RORA: variants seen among roughly 807,000 people sequenced by gnomAD.
The protein encoded by RORA is nuclear receptor ROR-alpha.
A neutral mutation model predicts 69.5 loss-of-function variants in RORA; 7 were observed. That is an observed-to-expected ratio of 0.10 (90% confidence interval 0.06 to 0.19). The LOEUF is 0.19. Ranked by LOEUF, RORA falls within the 10% of genes least tolerant of loss-of-function variation. The pLI is 1.00. For missense variants in RORA, 457 were observed against 663.0 expected (o/e 0.69, Z 3.41); for synonymous variants, 261 against 240.8 (o/e 1.08, Z -0.78).
At chr15:60,901,193 T>C (rs1263271102) in intron 1 of RORA, among the ~76,000 whole-genome samples, 1 of 152,066 alleles carries the variant, frequency 6.6e-6, no homozygotes, top group African/African-American at 2.4e-5. Context: ...TTTTTTGAAA[T>C]GGAATCTCAC....
Position 60,537,488 on chromosome 15 carries a change from G to T in RORA, c.197-5637C>A, listed in dbSNP as rs1391840336. On this transcript the variant is annotated intron_variant, in intron 2 of 10. Coordinates refer to ENST00000335670, the MANE Select transcript of RORA (RefSeq NM_134261.3). The surrounding 1 kb of genome is among the most constrained non-coding windows in gnomAD (Gnocchi z 4.9). The stretch of plus-strand genomic sequence containing the variant: ...GAGTGGACAGTTCAGGGAGCAACAT[G>T]CTTTCTCTCCACTCTGCCATGGGAG... 6.6e-6 allele frequency among the ~76,000 whole-genome samples: 1 copy of T among 152,168 alleles called. No homozygotes were observed. Among genetic ancestry groups the T allele is most frequent in the African/African-American group, 2.4e-5 (1 of 41,424 alleles).
At chr15:61,023,187 C>CAAAA (rs35185635) in intron 1 of RORA, among the ~76,000 whole-genome samples, 154 of 75,482 alleles carry the variant, frequency 2.0e-3, no homozygotes, top group African/African-American at 3.8e-3. Context: ...GACTCTGCCT[C>CAAAA]AAAAAAAAAA....
chr15:60,732,576 A>G (rs1380813017), intron 1 of RORA, among the ~76,000 whole-genome samples: 3 of 152,192 alleles, frequency 2.0e-5, no homozygotes, highest in African/African-American at 7.2e-5. Context: ...GCTTAGTTCA[A>G]CTGTGTCAGA....
At chr15:60,793,041 A>G (rs1567193210) in intron 1 of RORA, among the ~76,000 whole-genome samples, 1 of 143,516 alleles carries the variant, frequency 7.0e-6, no homozygotes, top group Non-Finnish European at 1.5e-5. Context: ...AGAGAGAGAG[A>G]AAAAAAAAAA....
intron 1 of RORA, among the ~76,000 whole-genome samples, chr15:61,130,849 A>T (rs1055517689): frequency 9.9e-5 from 15 of 152,232 alleles, no homozygotes; most frequent in Non-Finnish European, 1.0e-4. Flanking sequence ...AATCACATTT[A>T]AAAAACATAG....
intron 1 of RORA, among the ~76,000 whole-genome samples, chr15:61,179,577 A>G (rs2079663038): frequency 6.6e-6 from 1 of 152,238 alleles, no homozygotes; most frequent in African/African-American, 2.4e-5. Context: ...CACATAAACA[A>G]AAAGCTCTTT....
chr15:60,633,513 C>T (rs759171948), intron 2 of RORA, among the ~76,000 whole-genome samples: 4 of 152,168 alleles, frequency 2.6e-5, no homozygotes, highest in African/African-American at 4.8e-5. Flanking sequence ...GATAATGTGA[C>T]GCTGAACTTA....
chr15:61,173,335 C>G (rs530641320), intron 1 of RORA, among the ~76,000 whole-genome samples: 1 of 152,366 alleles, frequency 6.6e-6, no homozygotes, highest in Non-Finnish European at 1.5e-5. Context: ...AGCCTGAATT[C>G]ATCCATTCAC....
At chr15:60,674,656 C>T (rs182641295) in intron 2 of RORA, among the ~76,000 whole-genome samples, 2 of 152,304 alleles carry the variant, frequency 1.3e-5, no homozygotes, top group East Asian at 1.9e-4. Flanking sequence ...TAGCCTGCTA[C>T]AATCAAACAT....
At chr15:60,941,678 T>A (rs966003957) in intron 1 of RORA, among the ~76,000 whole-genome samples, 2 of 152,234 alleles carry the variant, frequency 1.3e-5, no homozygotes, top group Non-Finnish European at 2.9e-5. Context: ...AAGAAAACTT[T>A]TAGATCTCAA....
intron 1 of RORA, among the ~76,000 whole-genome samples, chr15:60,698,499 A>G (rs1185138827): frequency 1.3e-5 from 2 of 152,206 alleles, no homozygotes; most frequent in Admixed American, 6.5e-5. Context: ...GTTTTAATGG[A>G]GAATTAAAAT....
intron 1 of RORA, among the ~76,000 whole-genome samples, chr15:60,732,288 G>C (rs954779292): frequency 6.6e-6 from 1 of 152,202 alleles, no homozygotes. Context: ...GAGGATGTGA[G>C]TGTCAAATTG....
At chr15:60,705,233 T>C (rs2071044930) in intron 1 of RORA, among the ~76,000 whole-genome samples, 1 of 152,206 alleles carries the variant, frequency 6.6e-6, no homozygotes, top group African/African-American at 2.4e-5. Context: ...ACTGGTTTCA[T>C]TTGAAGGCAG....
chr15:60,804,565 C>T (rs1167022748), intron 1 of RORA, among the ~76,000 whole-genome samples: 2 of 152,074 alleles, frequency 1.3e-5, no homozygotes, highest in East Asian at 3.8e-4. Flanking sequence ...TGAGCAAGTT[C>T]GTGAATCAGG....
intron 1 of RORA, among the ~76,000 whole-genome samples, chr15:60,828,276 C>T (rs1383515911): frequency 5.3e-5 from 8 of 152,202 alleles, no homozygotes; most frequent in South Asian, 4.1e-4. Flanking sequence ...CTCAGCCTGG[C>T]GCAGGCAAGT....
At chr15:60,934,458 G>C (rs1027280869) in intron 1 of RORA, among the ~76,000 whole-genome samples, 6 of 143,582 alleles carry the variant, frequency 4.2e-5, no homozygotes, top group Non-Finnish European at 9.1e-5. Flanking sequence ...CTGGGATAAG[G>C]CCCAAGAGTT....
chr15:60,858,686 A>G (rs2073405385), intron 1 of RORA, among the ~76,000 whole-genome samples: 1 of 75,568 alleles, frequency 1.3e-5, no homozygotes, highest in African/African-American at 5.7e-5. Context: ...TTAAAAAGAA[A>G]GAAAATACAC....
Position 61,173,176 on chromosome 15 carries a change from G to A in RORA, c.166+55877C>T, listed in dbSNP as rs574434166. Among the ~76,000 whole-genome samples, 315 of 152,128 alleles carry A rather than the reference G, an allele frequency of 2.1e-3. 1 individual carries two copies. The highest frequency in any genetic ancestry group is 0.014 in the Middle Eastern group (4 of 294). The stretch of plus-strand genomic sequence containing the variant: ...TCCTCATCTCAATCCTATGAGCTGG[G>A]TACCACTATTACCCCCACTTTATAT... On this transcript the variant is annotated intron_variant, in intron 1 of 10. Coordinates refer to ENST00000335670, the MANE Select transcript of RORA (RefSeq NM_134261.3).
chr15:60,928,801 A>C (rs1675626495), intron 1 of RORA, among the ~76,000 whole-genome samples: 1 of 152,154 alleles, frequency 6.6e-6, no homozygotes, highest in Non-Finnish European at 1.5e-5. Flanking sequence ...GTCTAAAGTA[A>C]TGCTGGCAAT....
Sources: gnomAD v4.1 joint callset for allele counts (sites outside exome capture counted in the v4.1 genomes callset) on GRCh38, gnomAD v4.1.1 for gene constraint, Gnocchi (gnomAD v3.1) non-coding constraint, MANE v1.5 for transcripts, NCBI Gene and HGNC (gene_info 2026-07-23, HGNC 2026-07-21) for gene names.